The following HMCES variants were observed in gnomAD, a reference collection of about 807,000 sequenced individuals.
HMCES encodes abasic site processing protein HMCES.
A neutral mutation model predicts 35.1 loss-of-function variants in HMCES; 27 were observed. The observed-to-expected ratio is 0.77, with a 90% confidence interval of 0.57 to 1.06. HMCES has a LOEUF of 1.06. HMCES is among the 50% of genes least tolerant of loss of function. The pLI, the probability that HMCES is intolerant of heterozygous loss-of-function variation, is 0.00. For missense variants in HMCES, 391 were observed against 430.4 expected (o/e 0.91, Z 0.81); for synonymous variants, 130 against 154.7 (o/e 0.84, Z 1.18).
intron 3 of HMCES, among the ~76,000 whole-genome samples, chr3:129,290,419 G>A (rs1347334085): frequency 6.6e-6 from 1 of 151,908 alleles, no homozygotes; most frequent in Non-Finnish European, 1.5e-5. Context: ...AGGTAGCAGG[G>A]ACTACAGGTG....
rs2071173940 is a variant in HMCES at position 129,301,944 on chromosome 3, G to C, written c.636-6G>C. 1 of 1,609,742 alleles carries C rather than the reference G, an allele frequency of 6.2e-7. No homozygotes were observed. The highest frequency in any genetic ancestry group is 1.1e-5 in the South Asian group (1 of 90,448). ...TCCCAACCATTGTCTTAACTTCCCT[G>C]GCCAGGATGCCTGCCATATTAGATG... On this transcript the variant is annotated splice_polypyrimidine_tract_variant and splice_region_variant and intron_variant, in intron 5 of 6. Transcript: ENST00000383463.
At chr3:129,293,930 A>G (rs929483106) in intron 4 of HMCES, among the ~76,000 whole-genome samples, 2 of 152,136 alleles carry the variant, frequency 1.3e-5, no homozygotes, top group African/African-American at 4.8e-5. Flanking sequence ...TCTGACAATC[A>G]TTCTTTTAAT....
chr3:129,298,742 G>T (rs200562074), intron 5 of HMCES, among the ~76,000 whole-genome samples: 1 of 152,094 alleles, frequency 6.6e-6, no homozygotes, highest in South Asian at 2.1e-4. Flanking sequence ...GGGAAAAGTG[G>T]GGTTAAGGAG....
At chr3:129,296,989 C>T (rs1435124253) in intron 4 of HMCES, among the ~76,000 whole-genome samples, 1 of 152,114 alleles carries the variant, frequency 6.6e-6, no homozygotes, top group Non-Finnish European at 1.5e-5. Flanking sequence ...CCGCCTGCCT[C>T]GGCCTCCCAA....
At chr3:129,281,910 G>C (rs1163310836) in intron 2 of HMCES, among the ~76,000 whole-genome samples, 1 of 125,324 alleles carries the variant, frequency 8.0e-6, no homozygotes, top group Non-Finnish European at 1.6e-5. Context: ...CTGGGTGACA[G>C]AGCAAGACTC....
chr3:129,295,089 G>A (rs1425519762), intron 4 of HMCES, among the ~76,000 whole-genome samples: 2 of 149,614 alleles, frequency 1.3e-5, no homozygotes, highest in African/African-American at 5.0e-5. Context: ...AACCCAGGAG[G>A]CAGAGCTTGC....
At chr3:129,286,813 C>G (rs934414953) in intron 2 of HMCES, among the ~76,000 whole-genome samples, 1 of 152,142 alleles carries the variant, frequency 6.6e-6, no homozygotes, top group Non-Finnish European at 1.5e-5. Flanking sequence ...AATGCACTCT[C>G]TGCTCACTGG....
At chr3:129,282,109 A>G (rs1030969352) in intron 2 of HMCES, among the ~76,000 whole-genome samples, 6 of 152,094 alleles carry the variant, frequency 3.9e-5, no homozygotes, top group African/African-American at 1.2e-4. Context: ...AAGAGAGCAT[A>G]AAACATATTT....
At chr3:129,281,842 A>G (rs1560072018) in intron 2 of HMCES, among the ~76,000 whole-genome samples, 2 of 150,960 alleles carry the variant, frequency 1.3e-5, no homozygotes. Context: ...TGTCTGTACT[A>G]TAAAAAAAAA....
At chr3:129,285,839 C>T (rs1053517086) in intron 2 of HMCES, among the ~76,000 whole-genome samples, 2 of 151,980 alleles carry the variant, frequency 1.3e-5, no homozygotes, top group East Asian at 1.9e-4. Flanking sequence ...AAGCAATTCT[C>T]ATGCCTCAGC....
intron 2 of HMCES, among the ~76,000 whole-genome samples, chr3:129,286,217 A>G (rs558502173): frequency 6.6e-6 from 1 of 152,310 alleles, no homozygotes; most frequent in African/African-American, 2.4e-5. Flanking sequence ...TTGAAATCCT[A>G]ACCCCCAAGA....
chr3:129,298,608 TAG>T, intron 5 of HMCES, 73 bp downstream of exon 5: 1 of 1,328,180 alleles, frequency 7.5e-7, no homozygotes, highest in South Asian at 1.3e-5. Flanking sequence ...TAGGTAGCTT[TAG>T]AGAGTAGGAA....
chr3:129,299,169 A>C (rs2071130356), intron 5 of HMCES, among the ~76,000 whole-genome samples: 1 of 152,318 alleles, frequency 6.6e-6, no homozygotes, highest in South Asian at 2.1e-4. Flanking sequence ...ACATACATAC[A>C]TACTACAATA....
chr3:129,302,164 A>G (rs2071177659), intron 6 of HMCES, 22 bp downstream of exon 6: 3 of 1,570,584 alleles, frequency 1.9e-6, no homozygotes, highest in South Asian at 2.3e-5. Context: ...TGACTGGTAC[A>G]GTCCTTTTTG....
At chr3:129,289,053 G>A in intron 3 of HMCES, 56 bp downstream of exon 3, 3 of 1,383,230 alleles carry the variant, frequency 2.2e-6, no homozygotes, top group South Asian at 1.8e-5. Context: ...GGTTCCAAAG[G>A]GTGTTTCCAT....
At chr3:129,299,931 A>C (rs2071141682) in intron 5 of HMCES, among the ~76,000 whole-genome samples, 1 of 151,522 alleles carries the variant, frequency 6.6e-6, no homozygotes, top group Non-Finnish European at 1.5e-5. Flanking sequence ...GCCTGGCTGG[A>C]GTACTTCTTG....
At chr3:129,299,156 C>A (rs759440935) in intron 5 of HMCES, among the ~76,000 whole-genome samples, 4 of 152,102 alleles carry the variant, frequency 2.6e-5, no homozygotes, top group East Asian at 1.9e-4. Context: ...TCAATAAATA[C>A]ATACATACAT....
chr3:129,302,327 C>A (rs1442587691), intron 6 of HMCES, among the ~76,000 whole-genome samples, 185 bp downstream of exon 6: 2 of 152,152 alleles, frequency 1.3e-5, no homozygotes, highest in East Asian at 1.9e-4. Context: ...GACTCAGAGT[C>A]CCCAGGAGAA....
At chr3:129,293,125 C>G (rs978635169) in intron 4 of HMCES, among the ~76,000 whole-genome samples, 38 of 152,158 alleles carry the variant, frequency 2.5e-4, no homozygotes, top group Non-Finnish European at 4.4e-4. Flanking sequence ...ATCTTACAAG[C>G]GGAGGGAGTT....
Sources: gnomAD v4.1 joint callset for allele counts (sites outside exome capture counted in the v4.1 genomes callset) on GRCh38, gnomAD v4.1.1 for gene constraint, MANE v1.5 for transcripts, NCBI Gene and HGNC (gene_info 2026-07-23, HGNC 2026-07-21) for gene names.